Variants in INVS observed in about 807,000 individuals in gnomAD.
The protein encoded by INVS is inversion of embryo turning homolog.
In INVS, 86 loss-of-function variants were observed where a neutral mutation model predicts 108.8. The ratio of observed to expected loss-of-function variants is 0.79; its 90% CI spans 0.66 to 0.95. The LOEUF is 0.95. INVS is among the 40% of genes least tolerant of loss of function. The probability of loss-of-function intolerance (pLI) is 0.00; values close to 1 mark genes in which losing one functional copy is unlikely to be tolerated. For missense variants in INVS, 1,169 were observed against 1,297.4 expected (o/e 0.90, Z 1.52); for synonymous variants, 455 against 473.5 (o/e 0.96, Z 0.51).
At position 100,259,913 on chromosome 9, in the gene INVS, C is replaced by G. The variant is rs144564993; in HGVS notation, c.1465-4909C>G. 4.2e-3 allele frequency among the ~76,000 whole-genome samples: 637 copies of G among 152,056 alleles called. 7 individuals carry two copies. Among genetic ancestry groups the G allele is most frequent in the African/African-American group, 0.015 (607 of 41,462 alleles). ...TTGAGATGGAGTCTCGCTTCGTCACCCAGGCTGGAGTGCAGTGGCACCATC... is the reference window on the plus strand; with the variant it reads ...TTGAGATGGAGTCTCGCTTCGTCACGCAGGCTGGAGTGCAGTGGCACCATC... On this transcript the variant is annotated intron_variant, in intron 10 of 16. Transcript: ENST00000262457.
rs1206727122 is a variant in INVS at position 100,229,750 on chromosome 9, G to A, written c.538G>A (p.Val180Ile). Residue 180 changes from valine (V) to isoleucine (I), a missense_variant, in exon 5 of 17, where the codon GTT becomes ATT. Around this residue, in one of 3 missense-constraint regions of INVS, gnomAD observed 365 missense variants for 397.5 expected, o/e 0.92. Transcript: ENST00000262457. Reference protein sequence around the residue: ...KHDSNIGIPDVEGKIPLHWAA... With the variant: ...KHDSNIGIPDIEGKIPLHWAA... ...TGATTCTAACATTGGGATTCCTGAT[G>A]TTGAAGGCAAGATCCCACTTCACTG... is the stretch of plus-strand genomic sequence containing the variant. The A allele has an allele frequency of 5.0e-6, 8 of 1,614,004 alleles. No homozygotes were observed. Among genetic ancestry groups the A allele is most frequent in the Middle Eastern group, 3.3e-4 (2 of 6,084 alleles).
chr9:100,206,524 T>A (rs73656958), intron 3 of INVS, among the ~76,000 whole-genome samples: 3,051 of 152,284 alleles, frequency 0.02, 90 homozygotes, highest in African/African-American at 0.07. Flanking sequence ...TATATGGGAA[T>A]GTGTAGATAT....
chr9:100,117,600 C>CCGGG, intron 2 of INVS: 1 of 705,186 alleles, frequency 1.4e-6, no homozygotes, highest in Non-Finnish European at 2.4e-6. Flanking sequence ...CCAGGGCCTC[C>CCGGG]GGCCCCCCGC....
In INVS at chr9:100,125,742, A is replaced by G. The variant is rs534726342; in HGVS notation, c.107-641A>G. Among the ~76,000 whole-genome samples, 23 of 145,562 alleles carry G rather than the reference A, an allele frequency of 1.6e-4. No individual in the cohort carries two copies. The South Asian group carries it at 3.6e-3, about 23-fold the overall frequency. ...CTCTCGTTGTCCAGGCTGGAGTGCA[A>G]TGGCACAATCTTAGTTCACTACAAC... On this transcript the variant is annotated intron_variant, in intron 2 of 16. Coordinates refer to ENST00000262457, the MANE Select transcript of INVS (RefSeq NM_014425.5).
rs1833262381 is a variant in INVS, at chr9:100,281,098, T to G, written c.1785-3222T>G. On this transcript the variant is annotated intron_variant, in intron 12 of 16. Coordinates refer to ENST00000262457, the MANE Select transcript of INVS (RefSeq NM_014425.5). ...TTAGTTTGAAGTGGCATCCCCAGCT[T>G]CTTTGTATGACCCAATTAATTTTTT... 2.0e-5 allele frequency among the ~76,000 whole-genome samples: 3 copies of G among 152,214 alleles called. No homozygotes were observed. In the South Asian group the frequency reaches 6.2e-4, roughly 32 times the overall value.
chr9:100,292,785 G>A lies in INVS; in HGVS notation c.2528G>A (p.Gly843Glu). The A allele has an allele frequency of 6.2e-7, 1 of 1,614,062 alleles. No individual in the cohort carries two copies. Among genetic ancestry groups the A allele is most frequent in the East Asian group, 2.2e-5 (1 of 44,874 alleles). The change falls in exon 14 of 17, where the codon GGG becomes GAG. Residue 843 changes from glycine to glutamate, a missense_variant. Transcript: ENST00000262457. ...NKVTQAKLTG[G>E]LYSHLPQSTE... is the part of the protein sequence containing the mutation. ...GTGACACAAGCCAAGCTCACAGGAGGGCTCTATTCACATTTGCCACAGAGC... is the reference window on the plus strand; with the variant it reads ...GTGACACAAGCCAAGCTCACAGGAGAGCTCTATTCACATTTGCCACAGAGC...
chr9:100,173,652 C>T (rs1319495439), intron 3 of INVS, among the ~76,000 whole-genome samples: 1 of 152,108 alleles, frequency 6.6e-6, no homozygotes, highest in Non-Finnish European at 1.5e-5. Flanking sequence ...TCGCTTGAAC[C>T]CGGGAGGCAG....
chr9:100,129,738 A>G, intron 3 of INVS: 2 of 698,360 alleles, frequency 2.9e-6, no homozygotes, highest in South Asian at 3.1e-5. Flanking sequence ...GAAGAGAAAC[A>G]CGTAAAGTGA....
chr9:100,284,714 C>T lies in INVS; in HGVS notation c.2068+111C>T, dbSNP rs572526294. ...ATAATTGTTATATTAGCACCTAGGA[C>T]CGCCACTTTATGATTTGTGTTCTAC... is the stretch of plus-strand genomic sequence containing the variant. On this transcript the variant is annotated intron_variant, in intron 13 of 16. Coordinates refer to ENST00000262457, the MANE Select transcript of INVS (RefSeq NM_014425.5). 59 of 1,144,902 alleles carry T rather than the reference C, an allele frequency of 5.2e-5. No homozygotes were observed. The South Asian group carries it at 7.8e-4, about 15-fold the overall frequency. The allele number at this position is 1,144,902 out of a possible 1,614,324, so 70.9% of individuals were successfully genotyped here.
At chr9:100,217,088 C>G (rs1046429228) in intron 3 of INVS, among the ~76,000 whole-genome samples, 3 of 152,090 alleles carry the variant, frequency 2.0e-5, no homozygotes, top group African/African-American at 7.2e-5. Context: ...GTGAGTAGAT[C>G]ACTTGAGGTC....
chr9:100,100,947 CATATATATTATATATATAATATATATTA>C (rs1826940442), intron 1 of INVS, among the ~76,000 whole-genome samples: 1 of 15,744 alleles, frequency 6.4e-5, no homozygotes, highest in Non-Finnish European at 1.0e-4. Flanking sequence ...AATATATATA[CATATATATTATATATATAATATATATTA>C]TATATATAAT....
chr9:100,231,011 G>A (rs538239913), intron 5 of INVS, among the ~76,000 whole-genome samples: 4 of 152,112 alleles, frequency 2.6e-5, no homozygotes, highest in Non-Finnish European at 4.4e-5. Context: ...TATTTAACTG[G>A]TTGTTATAGG....
chr9:100,170,859 T>G (rs1195571780), intron 3 of INVS, among the ~76,000 whole-genome samples: 1 of 152,206 alleles, frequency 6.6e-6, no homozygotes, highest in Non-Finnish European at 1.5e-5. Context: ...GAGAAGTTCA[T>G]AGTTTAATGG....
chr9:100,207,294 G>GTTTA (rs1001547505), intron 3 of INVS, among the ~76,000 whole-genome samples: 1 of 151,704 alleles, frequency 6.6e-6, no homozygotes, highest in Non-Finnish European at 1.5e-5. Context: ...TTTATTTTTT[G>GTTTA]TTTATTTATT....
At position 100,220,232 on chromosome 9, in the gene INVS, G is replaced by GTGC. The variant is rs534068766; in HGVS notation, c.274-5827_274-5825dup. On this transcript the variant is annotated intron_variant, in intron 3 of 16. Coordinates refer to ENST00000262457, the MANE Select transcript of INVS (RefSeq NM_014425.5). ...AATTTGTTTCCCAGATTCCTTTCAAGTGCTGTTCTCTGGGTCAGAGAACTT... is the reference window on the plus strand; with the variant it reads ...AATTTGTTTCCCAGATTCCTTTCAAGTGCTGCTGTTCTCTGGGTCAGAGAACTT... 8.2e-4 allele frequency among the ~76,000 whole-genome samples: 125 copies of GTGC among 152,080 alleles called. 1 individual carries two copies. The highest frequency in any genetic ancestry group is 2.9e-3 in the African/African-American group (122 of 41,504).
intron 3 of INVS, among the ~76,000 whole-genome samples, chr9:100,145,082 A>C (rs1418989259): frequency 6.6e-6 from 1 of 152,106 alleles, no homozygotes; most frequent in Non-Finnish European, 1.5e-5. Flanking sequence ...GAAGAAAATA[A>C]GTTGTTTAGG....
chr9:100,173,552 AC>A (rs1364811101), intron 3 of INVS, among the ~76,000 whole-genome samples: 3 of 151,878 alleles, frequency 2.0e-5, no homozygotes, highest in African/African-American at 4.8e-5. Context: ...ACATGGTGAA[AC>A]CCCGTCTCTA....
rs1374754304 is a variant in INVS at position 100,284,546 on chromosome 9, C to A, written c.2011C>A (p.Gln671Lys). 1.2e-6 allele frequency: 2 copies of A among 1,613,798 alleles called. No individual in the cohort carries two copies. Among genetic ancestry groups the A allele is most frequent in the Non-Finnish European group, 1.7e-6 (2 of 1,179,848 alleles). The change falls in exon 13 of 17, where the codon CAG becomes AAG. Residue 671 changes from glutamine to lysine, a missense_variant. By Grantham distance (53) the Gln-to-Lys change is moderately conservative. Coordinates refer to ENST00000262457, the MANE Select transcript of INVS (RefSeq NM_014425.5). ...SPGGSLGGAL[Q>K]KEQHVSSDLQ... ...AGGAGGGTCTCTAGGCGGAGCCCTC[C>A]AGAAGGAGCAGCATGTTTCCTCAGA... is the stretch of plus-strand genomic sequence containing the variant.
At chr9:100,100,656 T>TATATATAATATATGTATATATA (rs1826827973) in intron 1 of INVS, among the ~76,000 whole-genome samples, 3 of 34,538 alleles carry the variant, frequency 8.7e-5, no homozygotes, top group African/African-American at 5.4e-4. Flanking sequence ...GTATATATAA[T>TATATATAATATATGTATATATA]ATATATATTA....
Sources: gnomAD v4.1 joint callset for allele counts (sites outside exome capture counted in the v4.1 genomes callset) on GRCh38, gnomAD v4.1.1 for gene constraint, gnomAD v4.1.1 regional missense constraint, MANE v1.5 for transcripts, NCBI Gene and HGNC (gene_info 2026-07-23, HGNC 2026-07-21) for gene names.